SLC25A21: variants seen among roughly 807,000 people sequenced by gnomAD.
SLC25A21 encodes the protein solute carrier family 25 member 21, also known as mitochondrial 2-oxodicarboxylate carrier.
In SLC25A21, 47 loss-of-function variants were observed where a neutral mutation model predicts 43.8. The observed-to-expected ratio is 1.07, with a 90% confidence interval of 0.85 to 1.37. The LOEUF (loss-of-function observed/expected upper bound fraction) is 1.37, where lower values mean the gene tolerates loss of function less well. Among genes scored for constraint, SLC25A21 ranks in the 40% most tolerant of loss-of-function variants. SLC25A21 has a pLI of 0.00. For missense variants in SLC25A21, 352 were observed against 350.2 expected, an observed-to-expected ratio of 1.00 and a Z score of -0.04; for synonymous variants, 131 against 121.3, an observed-to-expected ratio of 1.08 and a Z score of -0.52.
intron 1 of SLC25A21, among the ~76,000 whole-genome samples, chr14:36,881,221 T>A (rs774507341): frequency 3.3e-5 from 5 of 152,184 alleles, no homozygotes; most frequent in African/African-American, 4.8e-5. Context: ...AAAACACAGA[T>A]AATCATTTAA....
intron 2 of SLC25A21, among the ~76,000 whole-genome samples, chr14:36,835,459 C>A (rs1182322568): frequency 6.6e-6 from 1 of 152,162 alleles, no homozygotes; most frequent in East Asian, 1.9e-4. Context: ...CCTGCAGGGA[C>A]ACACAAGGCA....
chr14:36,850,225 A>G (rs1370861811), intron 2 of SLC25A21, among the ~76,000 whole-genome samples: 1 of 152,200 alleles, frequency 6.6e-6, no homozygotes, highest in Non-Finnish European at 1.5e-5. Flanking sequence ...AATCATATCA[A>G]TTCATATTTG....
At chr14:36,894,897 A>G (rs566175336) in intron 1 of SLC25A21, among the ~76,000 whole-genome samples, 12 of 152,260 alleles carry the variant, frequency 7.9e-5, no homozygotes, top group Middle Eastern at 3.4e-3. Context: ...AACCCACTTG[A>G]TCACGGTGGA....
At chr14:36,847,628 G>C (rs541086273) in intron 2 of SLC25A21, among the ~76,000 whole-genome samples, 34 of 152,290 alleles carry the variant, frequency 2.2e-4, no homozygotes, top group African/African-American at 8.2e-4. Context: ...AGGTGAGAGA[G>C]GACCCTCTGG....
chr14:37,019,848 A>C (rs1041330656), intron 1 of SLC25A21, among the ~76,000 whole-genome samples: 2 of 151,724 alleles, frequency 1.3e-5, no homozygotes, highest in African/African-American at 4.8e-5. Flanking sequence ...GAGCCACAGC[A>C]AGTTTTTTTA....
intron 3 of SLC25A21, among the ~76,000 whole-genome samples, chr14:36,744,783 C>CGAG (rs1885423111): frequency 6.6e-6 from 1 of 151,794 alleles, no homozygotes; most frequent in South Asian, 2.1e-4. Context: ...CCAGAATCTA[C>CGAG]GAGGAGCTCA....
At chr14:36,893,139 G>A (rs542666723) in intron 1 of SLC25A21, among the ~76,000 whole-genome samples, 83 of 152,256 alleles carry the variant, frequency 5.5e-4, no homozygotes, top group African/African-American at 1.9e-3. Flanking sequence ...CTTCCACAAT[G>A]GTTGAACTAG....
intron 7 of SLC25A21, among the ~76,000 whole-genome samples, chr14:36,708,729 A>G (rs977282064): frequency 2.0e-5 from 3 of 146,514 alleles, no homozygotes; most frequent in Non-Finnish European, 3.0e-5. Context: ...GCACAATCAC[A>G]CCTGGCTAAC....
intron 1 of SLC25A21, among the ~76,000 whole-genome samples, chr14:37,164,345 A>G (rs918000502): frequency 6.6e-6 from 1 of 152,178 alleles, no homozygotes; most frequent in African/African-American, 2.4e-5. Flanking sequence ...TGTGCTTGAA[A>G]TAAGGGTTAT....
chr14:36,680,404 T>C lies in SLC25A21; in HGVS notation c.*254A>G. On this transcript the variant is annotated 3_prime_UTR_variant, in exon 10 of 10. Transcript: ENST00000331299. ...TTATGAAATAAATATATGATTTCTA[T>C]GCTATTTTTCTATATTCACTTTAAA... 9.0e-7 allele frequency: 1 copy of C among 1,110,680 alleles called. No homozygotes were observed. Among genetic ancestry groups the C allele is most frequent in the Non-Finnish European group, 1.1e-6 (1 of 904,116 alleles). 68.8% of individuals were successfully genotyped at this position (1,110,680 alleles called of 1,614,324 possible).
intron 1 of SLC25A21, among the ~76,000 whole-genome samples, chr14:37,026,791 C>T (rs1196520536): frequency 6.6e-6 from 1 of 152,076 alleles, no homozygotes; most frequent in Non-Finnish European, 1.5e-5. Flanking sequence ...TTAAGAAGTG[C>T]TGGTCTATGA....
chr14:36,837,516 G>C (rs1340865420), intron 2 of SLC25A21, among the ~76,000 whole-genome samples: 1 of 152,152 alleles, frequency 6.6e-6, no homozygotes, highest in Non-Finnish European at 1.5e-5. Flanking sequence ...CAAGAGGTTA[G>C]GTGATGGGTG....
rs572676606 is a variant in SLC25A21, at chr14:36,905,595, G to A, written c.71-30591C>T. ...AAAGCTAACAGCTTATGGCTGCTAC[G>A]ACTGTCACTTGATTACCCCGAAGGG... On this transcript the variant is annotated intron_variant, in intron 1 of 9. Transcript: ENST00000331299. Among the ~76,000 whole-genome samples, 6 of 152,202 alleles carry A rather than the reference G, an allele frequency of 3.9e-5. No individual in the cohort carries two copies. In the East Asian group the frequency reaches 7.7e-4, roughly 20 times the overall value.
chr14:36,744,253 A>C (rs529128299), intron 3 of SLC25A21, among the ~76,000 whole-genome samples: 58 of 152,308 alleles, frequency 3.8e-4, no homozygotes, highest in African/African-American at 1.4e-3. Context: ...AAAAAGAATA[A>C]ATTTGGAGGT....
At chr14:36,845,630 A>G (rs955893901) in intron 2 of SLC25A21, among the ~76,000 whole-genome samples, 2 of 152,256 alleles carry the variant, frequency 1.3e-5, no homozygotes, top group East Asian at 3.8e-4. Context: ...TTCAAATACC[A>G]TTTCTGTAGA....
intron 2 of SLC25A21, among the ~76,000 whole-genome samples, chr14:36,849,394 G>T (rs570249332): frequency 6.6e-6 from 1 of 152,218 alleles, no homozygotes; most frequent in African/African-American, 2.4e-5. Context: ...CAACAAATCC[G>T]ATGTTAAGGA....
intron 1 of SLC25A21, among the ~76,000 whole-genome samples, chr14:36,948,259 T>G (rs1892722513): frequency 6.6e-6 from 1 of 152,174 alleles, no homozygotes; most frequent in Non-Finnish European, 1.5e-5. Flanking sequence ...CCACTCTAAT[T>G]AACTGGGATA....
chr14:37,105,896 T>G (rs903037669), intron 1 of SLC25A21, among the ~76,000 whole-genome samples: 1 of 152,128 alleles, frequency 6.6e-6, no homozygotes, highest in Admixed American at 6.6e-5. Flanking sequence ...CTACATATTG[T>G]TTACTGCTGC....
At chr14:37,035,114 C>T (rs923908980) in intron 1 of SLC25A21, among the ~76,000 whole-genome samples, 3 of 152,202 alleles carry the variant, frequency 2.0e-5, no homozygotes, top group African/African-American at 7.2e-5. Flanking sequence ...GAAACACCCA[C>T]CTGATTTCAG....
Sources: allele counts gnomAD v4.1 joint callset (sites outside exome capture counted in the v4.1 genomes callset), GRCh38; gene constraint gnomAD v4.1.1; transcripts MANE v1.5; gene names NCBI Gene and HGNC (gene_info 2026-07-23, HGNC 2026-07-21).